The following ALOX5AP variants were observed in gnomAD, a reference collection of about 807,000 sequenced individuals.
The protein encoded by ALOX5AP is arachidonate 5-lipoxygenase-activating protein.
A neutral mutation model predicts 18.5 loss-of-function variants in ALOX5AP; 9 were observed. The ratio of observed to expected loss-of-function variants is 0.49; its 90% confidence interval spans 0.29 to 0.85. The LOEUF is 0.85. Among genes scored for constraint, ALOX5AP ranks in the 40% least tolerant of loss-of-function variants. The pLI is 0.08. For synonymous variants in ALOX5AP, 81 were observed against 78.6 expected (o/e 1.03, Z -0.16); for missense variants, 172 against 202.5 (o/e 0.85, Z 0.91).
At chr13:30,718,893 C>T (rs1484616034) in intron 1 of ALOX5AP, among the ~76,000 whole-genome samples, 2 of 152,248 alleles carry the variant, frequency 1.3e-5, no homozygotes, top group Admixed American at 6.5e-5. Context: ...ACATGCCTTA[C>T]AGTCTTCCCT....
chr13:30,745,499 C>T (rs903759866), intron 2 of ALOX5AP, among the ~76,000 whole-genome samples: 23 of 152,318 alleles, frequency 1.5e-4, no homozygotes, highest in African/African-American at 5.1e-4. Context: ...CTGGGCTCCA[C>T]TCCCTTCTCC....
At chr13:30,737,169 GC>G (rs1951728405) in intron 1 of ALOX5AP, among the ~76,000 whole-genome samples, 1 of 152,334 alleles carries the variant, frequency 6.6e-6, no homozygotes, top group Admixed American at 6.5e-5. Flanking sequence ...GGGACCTTGT[GC>G]CCCCTCCCTG....
At chr13:30,763,621 C>A (rs1179785157) in intron 4 of ALOX5AP, among the ~76,000 whole-genome samples, 2 of 152,168 alleles carry the variant, frequency 1.3e-5, no homozygotes, top group Non-Finnish European at 2.9e-5. Flanking sequence ...CAATGGTCAA[C>A]AGAACCTGCC....
intron 2 of ALOX5AP, among the ~76,000 whole-genome samples, chr13:30,746,277 G>A (rs889917576): frequency 6.6e-5 from 10 of 152,322 alleles, no homozygotes; most frequent in Non-Finnish European, 8.8e-5. Context: ...CATCCCCACC[G>A]TGTGGGTGCT....
At chr13:30,725,517 G>T (rs1951632772) in intron 1 of ALOX5AP, among the ~76,000 whole-genome samples, 3 of 152,236 alleles carry the variant, frequency 2.0e-5, no homozygotes, top group Admixed American at 1.3e-4. Context: ...TCCAGCCATT[G>T]CTGAGTGCTC....
chr13:30,762,824 C>T (rs1452645853), intron 4 of ALOX5AP, among the ~76,000 whole-genome samples: 1 of 152,072 alleles, frequency 6.6e-6, no homozygotes, highest in African/African-American at 2.4e-5. Flanking sequence ...ACTAACAATC[C>T]TCCTGAGTCA....
In ALOX5AP at chr13:30,713,734, AT is replaced by A. The variant is rs775943775; in HGVS notation, c.12del (p.Phe4LeufsTer13). 9.5e-5 allele frequency: 145 copies of A among 1,531,952 alleles called. No homozygotes were observed. In the South Asian group the frequency reaches 1.0e-3, roughly 11 times the overall value. The allele number at this position is 1,531,952 out of a possible 1,614,324, so 94.9% of individuals were successfully genotyped here. ...AGTCAACAGAAACAAAAATGCTCAC[AT>A]TTAATCACGATGCTCCCTGGCATAC... is the stretch of plus-strand genomic sequence containing the variant. On this transcript the variant is annotated frameshift_variant, in exon 1 of 6. Coordinates refer to the ALOX5AP transcript ENST00000617770. LOFTEE classifies it high-confidence loss of function.
chr13:30,713,920 G>C, intron 1 of ALOX5AP: 4 of 1,455,044 alleles, frequency 2.7e-6, no homozygotes, highest in Non-Finnish European at 3.7e-6. Context: ...CTGGGCCCAG[G>C]GCCATGTTCG....
chr13:30,713,489 G>A (rs1018335717), exon 1 of ALOX5AP: 1 of 494,844 alleles, frequency 2.0e-6, no homozygotes, highest in African/African-American at 1.9e-5. Flanking sequence ...CCTATTATCT[G>A]GGCATTTGGA....
chr13:30,729,253 G>A (rs138238017), intron 1 of ALOX5AP, among the ~76,000 whole-genome samples: 2,096 of 151,986 alleles, frequency 0.014, 45 homozygotes, highest in African/African-American at 0.047. Flanking sequence ...TCTTTTGGAA[G>A]CTTTATATTT....
upstream of ALOX5AP, among the ~76,000 whole-genome samples, chr13:30,732,237 TGTGTGGGGCCCCAGAAG>T (rs72183530): frequency 0.029 from 4,347 of 151,990 alleles, 205 homozygotes; most frequent in African/African-American, 0.098. Flanking sequence ...TTTTCTCCCA[TGTGTGGGGCCCCAGAAG>T]GTGTGGGGCC....
chr13:30,758,812 C>T (rs1951917585), intron 4 of ALOX5AP, among the ~76,000 whole-genome samples: 1 of 150,030 alleles, frequency 6.7e-6, no homozygotes, highest in Admixed American at 6.6e-5. Flanking sequence ...CCTCCCTTCA[C>T]ATCACCTCAT....
intron 1 of ALOX5AP, among the ~76,000 whole-genome samples, chr13:30,721,757 AG>A (rs1951595959): frequency 6.6e-6 from 1 of 152,214 alleles, no homozygotes; most frequent in East Asian, 1.9e-4. Context: ...TTAATGGAAG[AG>A]GCATGGCCCT....
At chr13:30,730,805 C>T (rs1194264801), upstream of ALOX5AP, among the ~76,000 whole-genome samples, 1 of 152,184 alleles carries the variant, frequency 6.6e-6, no homozygotes, top group African/African-American at 2.4e-5. Flanking sequence ...AGAGCCTCGG[C>T]GTCCCTGAAT....
intron 1 of ALOX5AP, among the ~76,000 whole-genome samples, chr13:30,736,442 G>A (rs9579646): frequency 0.47 from 71,100 of 151,748 alleles, 19,690 homozygotes; most frequent in African/African-American, 0.77. Flanking sequence ...CTGAGTTAGG[G>A]CTGCCTCAGA....
chr13:30,723,341 C>A (rs1039241499), intron 1 of ALOX5AP, among the ~76,000 whole-genome samples: 3 of 152,198 alleles, frequency 2.0e-5, no homozygotes, highest in African/African-American at 7.2e-5. Context: ...TGTTCCAGCA[C>A]CATTTGTTGA....
chr13:30,749,948 A>G (rs889661783), intron 2 of ALOX5AP, among the ~76,000 whole-genome samples: 1 of 152,092 alleles, frequency 6.6e-6, no homozygotes, highest in African/African-American at 2.4e-5. Context: ...TGAGACCCTA[A>G]TGGTTTGCAT....
chr13:30,752,831 G>A (rs767933270), intron 3 of ALOX5AP, among the ~76,000 whole-genome samples: 1 of 152,200 alleles, frequency 6.6e-6, no homozygotes, highest in African/African-American at 2.4e-5. Flanking sequence ...AAAGTAGATA[G>A]AGTGGATTTT....
chr13:30,731,337 G>A (rs1420052665), upstream of ALOX5AP, among the ~76,000 whole-genome samples: 4 of 151,254 alleles, frequency 2.6e-5, no homozygotes, highest in Non-Finnish European at 5.9e-5. Flanking sequence ...TTGAACCCTT[G>A]TTCTGCTCCT....
Sources: gnomAD v4.1 joint callset for allele counts (sites outside exome capture counted in the v4.1 genomes callset) on GRCh38, gnomAD v4.1.1 for gene constraint, MANE v1.5 for transcripts, NCBI Gene and HGNC (gene_info 2026-07-23, HGNC 2026-07-21) for gene names.